Variants in LRRK2 observed in about 807,000 individuals in gnomAD.
LRRK2 encodes leucine-rich repeat serine/threonine-protein kinase 2.
In LRRK2, 203 loss-of-function variants were observed where a neutral mutation model predicts 302.6. That is an observed-to-expected ratio of 0.67 (90% CI 0.60 to 0.75). LRRK2 has a LOEUF of 0.75. Among genes scored for constraint, LRRK2 ranks in the 30% least tolerant of loss-of-function variants. The pLI is 0.00. For synonymous variants in LRRK2, 1,066 were observed against 1,031.9 expected (o/e 1.03, Z -0.63); for missense variants, 2,830 against 2,951.0 (o/e 0.96, Z 0.95).
chr12:40,287,990 C>T (rs1221986028), intron 20 of LRRK2, among the ~76,000 whole-genome samples: 1 of 151,780 alleles, frequency 6.6e-6, no homozygotes, highest in Non-Finnish European at 1.5e-5. Flanking sequence ...TAGCTTAAAA[C>T]AATATTAATA....
In LRRK2 at chr12:40,294,866, G is replaced by C; in HGVS notation, c.2830G>C (p.Asp944His). The change falls in exon 22 of 51, where the codon GAT becomes CAT. Residue 944 changes from aspartate (D) to histidine (H), a missense_variant. Asp to His is a moderately conservative substitution (Grantham distance 81). Coordinates refer to ENST00000298910, the MANE Select transcript of LRRK2 (RefSeq NM_198578.4). ...NSLGPIFDHE[D>H]LLKRKRKILS... The stretch of plus-strand genomic sequence containing the variant: ...ATAGGGGCCCATTTTTGATCATGAA[G>C]ATTTACTGAAGCGAAAAAGAAAAAT... The C allele has an allele frequency of 6.5e-7, 1 of 1,548,388 alleles. No individual in the cohort carries two copies. The highest frequency in any genetic ancestry group is 8.9e-7 in the Non-Finnish European group (1 of 1,125,026).
rs67041151 is a variant in LRRK2 at position 40,354,832 on chromosome 12, G to GA, written c.6770+352dup. Among the ~76,000 whole-genome samples the GA allele has an allele frequency of 7.4e-3, 382 of 51,792 alleles. 2 individuals carry two copies. The highest frequency in any genetic ancestry group is 0.012 in the African/African-American group (254 of 21,380). 34.0% of individuals were successfully genotyped at this position (51,792 alleles called of 152,430 possible). On this transcript the variant is annotated intron_variant, in intron 45 of 50. Coordinates refer to ENST00000298910, the MANE Select transcript of LRRK2 (RefSeq NM_198578.4). ...ATAAATTCTCATTCATTCATTCTTT[G>GA]AAAAAAAAAAAATATATATATATAT...
At chr12:40,269,984 C>CTA (rs1459039755) in intron 14 of LRRK2, among the ~76,000 whole-genome samples, 2 of 152,104 alleles carry the variant, frequency 1.3e-5, no homozygotes, top group Non-Finnish European at 2.9e-5. Context: ...AAATCTAACA[C>CTA]TACTACCTAC....
At chr12:40,346,712 T>C in intron 41 of LRRK2, 41 bp from the exon 42 acceptor site, 2 of 1,595,460 alleles carry the variant, frequency 1.3e-6, no homozygotes, top group Non-Finnish European at 1.7e-6. Flanking sequence ...GTATGAGCCC[T>C]GATGTTGGTC....
intron 6 of LRRK2, 41 bp from the exon 7 acceptor site, chr12:40,243,508 AC>A (rs1565674360): frequency 6.2e-7 from 1 of 1,604,602 alleles, no homozygotes. Context: ...TGAAAGGAGA[AC>A]ATGGTTACCT....
intron 19 of LRRK2, among the ~76,000 whole-genome samples, chr12:40,285,291 C>T (rs1943875458): frequency 6.6e-6 from 1 of 151,730 alleles, no homozygotes; most frequent in Non-Finnish European, 1.5e-5. Context: ...TTATAATCTA[C>T]TTTTTGGTAA....
At chr12:40,321,271 C>A in intron 35 of LRRK2, 83 bp downstream of exon 35, 1 of 1,324,776 alleles carries the variant, frequency 7.5e-7, no homozygotes, top group Non-Finnish European at 1.0e-6. Context: ...AGGGAGATGG[C>A]ATATGAAAAG....
intron 47 of LRRK2, 99 bp from the exon 48 acceptor site, chr12:40,363,303 A>G: frequency 1.1e-6 from 1 of 944,228 alleles, no homozygotes; most frequent in South Asian, 1.5e-5. Context: ...TTTTCAAAAT[A>G]GTGTTTTTAC....
intron 3 of LRRK2, 191 bp downstream of exon 3, chr12:40,232,574 C>T (rs1941252858): frequency 7.3e-6 from 4 of 548,128 alleles, no homozygotes; most frequent in Non-Finnish European, 1.3e-5. Context: ...ATTTAGAAAG[C>T]AAACATTTAA....
Position 40,235,645 on chromosome 12 carries a change from A to G in LRRK2, c.367A>G (p.Thr123Ala). 1 of 1,606,348 alleles carries G rather than the reference A, an allele frequency of 6.2e-7. No individual in the cohort carries two copies. The highest frequency in any genetic ancestry group is 8.5e-7 in the Non-Finnish European group (1 of 1,173,000). ...GVHQLILKML[T>A]VHNASVNLSV... The stretch of plus-strand genomic sequence containing the variant: ...CTCCAGATTGATTCTTAAAATGCTA[A>G]CAGTTCATAATGCCAGTGTAAACTT... Residue 123 changes from threonine (T) to alanine (A), a missense_variant, in exon 4 of 51, where the codon ACA (threonine) becomes GCA (alanine). Physicochemically the swap from Thr to Ala is moderately conservative, Grantham distance 58 (BLOSUM62 0). This residue lies in a region of LRRK2 where 2,121 missense variants were observed against 2,148.0 expected (regional missense o/e 0.99). Transcript: ENST00000298910.
chr12:40,351,774 A>G (rs1565773304), intron 44 of LRRK2, 41 bp downstream of exon 44: 5 of 1,581,366 alleles, frequency 3.2e-6, no homozygotes, highest in Non-Finnish European at 2.6e-6. Flanking sequence ...AATTTAAAGC[A>G]TATACCATTT....
At chr12:40,254,522 G>A (rs564242935) in intron 11 of LRRK2, among the ~76,000 whole-genome samples, 4 of 152,134 alleles carry the variant, frequency 2.6e-5, no homozygotes, top group Non-Finnish European at 5.9e-5. Flanking sequence ...AAGAGGTCTG[G>A]ACAGGGATTT....
At position 40,368,427 on chromosome 12, in the gene LRRK2, ACACAGAAACTCTCTTTGT is replaced by A; in HGVS notation, c.*677_*694del. 1 of 151,884 alleles carries A rather than the reference ACACAGAAACTCTCTTTGT, an allele frequency of 6.6e-6. No homozygotes were observed. The highest frequency in any genetic ancestry group is 1.5e-5 in the Non-Finnish European group (1 of 67,748). The allele number at this position is 151,884 out of a possible 1,614,324, so 9.4% of individuals were successfully genotyped here. The stretch of plus-strand genomic sequence containing the variant: ...GTCAAAGTCCTCATATCTAGGAAAG[ACACAGAAACTCTCTTTGT>A]CACAGAAACTCTCTGTGTCTTTCCT... On this transcript the variant is annotated 3_prime_UTR_variant, in exon 51 of 51. Coordinates refer to ENST00000298910, the MANE Select transcript of LRRK2 (RefSeq NM_198578.4).
In LRRK2 at chr12:40,235,714, G is replaced by A. The variant is rs1941419047; in HGVS notation, c.436G>A (p.Gly146Ser). Residue 146 changes from glycine (G) to serine (S), a missense_variant and splice_region_variant, in exon 4 of 51, where the codon GGT becomes AGT. Around this residue, in one of 3 missense-constraint regions of LRRK2, gnomAD observed 2,121 missense variants for 2,148.0 expected, o/e 0.99. Coordinates refer to ENST00000298910, the MANE Select transcript of LRRK2 (RefSeq NM_198578.4). Reference sequence around the variant, plus strand: ...GACCTTAGATCTCCTCCTAACTTCAGGTAATATGTGTATATGTTTTTTGTG... The same window carrying A: ...GACCTTAGATCTCCTCCTAACTTCAAGTAATATGTGTATATGTTTTTTGTG... ...LKTLDLLLTSGKITLLILDEE... is the reference protein window; with the variant it reads ...LKTLDLLLTSSKITLLILDEE... 6.4e-7 allele frequency: 1 copy of A among 1,551,482 alleles called. No homozygotes were observed. The highest frequency in any genetic ancestry group is 8.9e-7 in the Non-Finnish European group (1 of 1,124,172).
intron 3 of LRRK2, among the ~76,000 whole-genome samples, chr12:40,234,430 G>A (rs150082974): frequency 0.029 from 3,646 of 127,482 alleles, 67 homozygotes; most frequent in Non-Finnish European, 0.041. Context: ...CCAGGCTGGC[G>A]TGCAGTGGCG....
intron 41 of LRRK2, among the ~76,000 whole-genome samples, chr12:40,345,354 G>A (rs1285160459): frequency 6.6e-6 from 1 of 152,064 alleles, no homozygotes; most frequent in Non-Finnish European, 1.5e-5. Flanking sequence ...TGGGTGCAGT[G>A]GCTCCTGCCT....
At chr12:40,294,520 G>A (rs943558444) in intron 21 of LRRK2, among the ~76,000 whole-genome samples, 2 of 151,976 alleles carry the variant, frequency 1.3e-5, no homozygotes, top group Non-Finnish European at 2.9e-5. Context: ...ATGCTCTTTC[G>A]AATTTATATA....
Position 40,346,879 on chromosome 12 carries a change from T to A in LRRK2, c.6236T>A (p.Phe2079Tyr), listed in dbSNP as rs1308453611. The A allele has an allele frequency of 3.1e-6, 5 of 1,613,262 alleles. No homozygotes were observed. The highest frequency in any genetic ancestry group is 4.2e-6 in the Non-Finnish European group (5 of 1,179,742). ...TGGRIVEGLK[F>Y]PNEFDELEIQ... Reference sequence around the variant, plus strand: ...GGTAGAATAGTAGAGGGTTTGAAGTTTCCAAATGAGTTTGATGAATTAGAA... The same window carrying A: ...GGTAGAATAGTAGAGGGTTTGAAGTATCCAAATGAGTTTGATGAATTAGAA... The change falls in exon 42 of 51, where the codon TTT (phenylalanine) becomes TAT (tyrosine). Residue 2079 changes from phenylalanine (F) to tyrosine (Y), a missense_variant. By Grantham distance (22) the Phe-to-Tyr change is conservative. Coordinates refer to ENST00000298910, the MANE Select transcript of LRRK2 (RefSeq NM_198578.4).
chr12:40,319,039 A>G (rs373745274), intron 33 of LRRK2, among the ~76,000 whole-genome samples: 1 of 152,118 alleles, frequency 6.6e-6, no homozygotes, highest in African/African-American at 2.4e-5. Context: ...ACTCAACTAC[A>G]TGATAGCATA....
Sources: allele counts gnomAD v4.1 joint callset (sites outside exome capture counted in the v4.1 genomes callset), GRCh38; gene constraint gnomAD v4.1.1; regional missense constraint gnomAD v4.1.1; transcripts MANE v1.5; gene names NCBI Gene and HGNC (gene_info 2026-07-23, HGNC 2026-07-21).